The following PCDHGB4 variants were observed in gnomAD, a reference collection of about 807,000 sequenced individuals.
PCDHGB4 encodes protocadherin gamma subfamily B, 4, also known as protocadherin gamma-B4.
Under a neutral mutation model 60.5 loss-of-function variants are expected in PCDHGB4, and 38 were observed. That is an observed-to-expected ratio of 0.63 (90% CI 0.48 to 0.82). The LOEUF (loss-of-function observed/expected upper bound fraction) is 0.82. Among genes scored for constraint, PCDHGB4 ranks in the 40% least tolerant of loss-of-function variants. PCDHGB4 has a pLI of 0.00. For missense variants in PCDHGB4, 1,109 were observed against 1,209.6 expected (o/e 0.92, Z 1.23); for synonymous variants, 456 against 509.7 (o/e 0.89, Z 1.42).
At chr5:141,498,338 G>A (rs2237079) in intron 2 of PCDHGB4, among the ~76,000 whole-genome samples, 68,665 of 151,630 alleles carry the variant, frequency 0.45, 15,766 homozygotes, top group Admixed American at 0.55. Flanking sequence ...CATTCCAAAT[G>A]GGAAAAGCCT....
chr5:141,478,685 A>G, intron 1 of PCDHGB4: 3 of 1,551,308 alleles, frequency 1.9e-6, no homozygotes, highest in Non-Finnish European at 2.6e-6. Context: ...GGCCCTTCCT[A>G]GATCAAAGTT....
intron 1 of PCDHGB4, chr5:141,415,390 G>A (rs1191160575): frequency 1.2e-6 from 2 of 1,614,224 alleles, no homozygotes; most frequent in South Asian, 2.2e-5. Flanking sequence ...CTTGACAGGT[G>A]TGTCCGGCTC....
At chr5:141,506,237 T>G (rs558256375) in intron 3 of PCDHGB4, among the ~76,000 whole-genome samples, 1 of 152,014 alleles carries the variant, frequency 6.6e-6, no homozygotes, top group South Asian at 2.1e-4. Flanking sequence ...GATCATGAGG[T>G]CAGGAGTTCG....
Position 141,394,128 on chromosome 5 carries a change from G to A in PCDHGB4, c.2397+3847G>A, listed in dbSNP as rs371610257. 2.0e-5 allele frequency: 32 copies of A among 1,613,612 alleles called. No homozygotes were observed. The highest frequency in any genetic ancestry group is 4.0e-5 in the African/African-American group (3 of 74,844). ...ACCTCTGTCCACTGAAACTCAAATC[G>A]CTCTGCACGTGGCAGACATTAACGA... On this transcript the variant is annotated intron_variant, in intron 1 of 3. Transcript: ENST00000519479.
At chr5:141,415,306 T>G (rs2095852502) in intron 1 of PCDHGB4, 2 of 1,614,222 alleles carry the variant, frequency 1.2e-6, no homozygotes, top group Non-Finnish European at 8.5e-7. Context: ...CTTCCTGGCC[T>G]TCGTCATCGT....
Position 141,464,284 on chromosome 5 carries a change from A to C in PCDHGB4, c.2398-30523A>C, listed in dbSNP as rs1237360752. ...CGTCTAAAAAAAAAAAAAAGCAAAA[A>C]AAAAAACTCCATTGTATGTGCACAT... On this transcript the variant is annotated intron_variant, in intron 1 of 3. Coordinates refer to ENST00000519479, the MANE Select transcript of PCDHGB4 (RefSeq NM_003736.4). 4.0e-5 allele frequency among the ~76,000 whole-genome samples: 6 copies of C among 151,546 alleles called. No individual in the cohort carries two copies. The South Asian group carries it at 1.0e-3, about 26-fold the overall frequency.
rs376391116 is a variant in PCDHGB4, at chr5:141,390,163, C to G, written c.2279C>G (p.Thr760Arg). 3.7e-6 allele frequency: 6 copies of G among 1,613,992 alleles called. No individual in the cohort carries two copies. The highest frequency in any genetic ancestry group is 5.1e-6 in the Non-Finnish European group (6 of 1,179,890). The change falls in exon 1 of 4, where the codon ACG becomes AGG. Residue 760 changes from threonine (T) to arginine (R), a missense_variant. By Grantham distance (71) the Thr-to-Arg change is moderately conservative. Transcript: ENST00000519479. ...YNLCVAHTGK[T>R]EFNFLKCSEQ... is the part of the protein sequence containing the mutation. ...CTATGTGTTGCACATACAGGAAAGA[C>G]GGAGTTTAATTTCCTAAAATGTAGT...
At chr5:141,451,238 T>A (rs1167769789) in intron 1 of PCDHGB4, among the ~76,000 whole-genome samples, 6 of 152,214 alleles carry the variant, frequency 3.9e-5, no homozygotes, top group African/African-American at 1.4e-4. Context: ...TATTATCTCA[T>A]AAATTTTGTG....
chr5:141,490,837 G>A lies in PCDHGB4; in HGVS notation c.2398-3970G>A. On this transcript the variant is annotated intron_variant, in intron 1 of 3. Coordinates refer to ENST00000519479, the MANE Select transcript of PCDHGB4 (RefSeq NM_003736.4). This position sits in a 1 kb window ranked among gnomAD's most constrained non-coding sequence, Gnocchi z 5.4. ...TGAATTGCTGCAGATGCTGCAGATTGTGGTGGGGGTTCGAGACTCCGGCTC... is the reference window on the plus strand; with the variant it reads ...TGAATTGCTGCAGATGCTGCAGATTATGGTGGGGGTTCGAGACTCCGGCTC... The A allele has an allele frequency of 1.9e-6, 3 of 1,613,914 alleles. No homozygotes were observed. The highest frequency in any genetic ancestry group is 2.2e-5 in the South Asian group (2 of 91,072).
intron 1 of PCDHGB4, chr5:141,428,460 T>G (rs558111052): frequency 2.8e-6 from 1 of 351,434 alleles, no homozygotes; most frequent in African/African-American, 2.1e-5. Context: ...CCAACTACAA[T>G]GAGGGAACTT....
chr5:141,489,238 G>A lies in PCDHGB4; in HGVS notation c.2398-5569G>A. On this transcript the variant is annotated intron_variant, in intron 1 of 3. Coordinates refer to ENST00000519479, the MANE Select transcript of PCDHGB4 (RefSeq NM_003736.4). The surrounding 1 kb of genome is among the most constrained non-coding windows in gnomAD (Gnocchi z 4.5). ...TTACTCTCCACAAAGGGACTTCTGG[G>A]TCATGGGGCCCAAGACACTCCCACA... 6.5e-7 allele frequency: 1 copy of A among 1,534,146 alleles called. No homozygotes were observed.
At chr5:141,444,659 C>G (rs2098443878) in intron 1 of PCDHGB4, among the ~76,000 whole-genome samples, 1 of 152,032 alleles carries the variant, frequency 6.6e-6, no homozygotes, top group African/African-American at 2.4e-5. Context: ...GAAGTTATTT[C>G]CCATTTTTTT....
chr5:141,428,454 C>A, intron 1 of PCDHGB4: 1 of 365,394 alleles, frequency 2.7e-6, no homozygotes, highest in Non-Finnish European at 5.2e-6. Context: ...TTTTTCCCAA[C>A]TACAATGAGG....
rs969397099 is a variant in PCDHGB4, at chr5:141,477,807, C to T, written c.2398-17000C>T. 6.2e-6 allele frequency: 10 copies of T among 1,613,932 alleles called. No homozygotes were observed. Among genetic ancestry groups the T allele is most frequent in the African/African-American group, 1.3e-5 (1 of 74,922 alleles). ...TTTGTCACTGATCGCAATGACAATG[C>T]CCCCCAGGTCCTATATCCTCGGCCA... is the stretch of plus-strand genomic sequence containing the variant. On this transcript the variant is annotated intron_variant, in intron 1 of 3. Transcript: ENST00000519479. The surrounding 1 kb of genome is among the most constrained non-coding windows in gnomAD (Gnocchi z 4.9).
chr5:141,476,711 G>C lies in PCDHGB4; in HGVS notation c.2398-18096G>C. 1 of 1,614,194 alleles carries C rather than the reference G, an allele frequency of 6.2e-7. No individual in the cohort carries two copies. The highest frequency in any genetic ancestry group is 8.5e-7 in the Non-Finnish European group (1 of 1,180,042). On this transcript the variant is annotated intron_variant, in intron 1 of 3. Coordinates refer to ENST00000519479, the MANE Select transcript of PCDHGB4 (RefSeq NM_003736.4). This position sits in a 1 kb window ranked among gnomAD's most constrained non-coding sequence, Gnocchi z 7.6. ...CACCAAGTACGCGGAGCTGGTGTTG[G>C]AGCGCGCCCTGGACCGAGAACGGGA...
At chr5:141,413,687 T>C (rs1470256826) in intron 1 of PCDHGB4, 1 of 1,613,784 alleles carries the variant, frequency 6.2e-7, no homozygotes, top group South Asian at 1.1e-5. Flanking sequence ...GTGAACTCCC[T>C]GCAGAGCTAT....
chr5:141,415,293 C>G, intron 1 of PCDHGB4: 1 of 1,614,192 alleles, frequency 6.2e-7, no homozygotes, highest in Non-Finnish European at 8.5e-7. Flanking sequence ...CGGTCTCCTG[C>G]GTCTTCCTGG....
intron 1 of PCDHGB4, chr5:141,400,082 C>A: frequency 1.2e-6 from 2 of 1,614,016 alleles, no homozygotes; most frequent in Non-Finnish European, 1.7e-6. Flanking sequence ...CCACTCTCCG[C>A]CACCGCCACG....
intron 2 of PCDHGB4, among the ~76,000 whole-genome samples, chr5:141,502,828 G>T (rs928458403): frequency 6.6e-6 from 1 of 150,704 alleles, no homozygotes; most frequent in Non-Finnish European, 1.5e-5. Context: ...CCTTGGGGAA[G>T]CCTGGACTGG....
Sources: gnomAD v4.1 joint callset for allele counts (sites outside exome capture counted in the v4.1 genomes callset) on GRCh38, gnomAD v4.1.1 for gene constraint, Gnocchi (gnomAD v3.1) non-coding constraint, MANE v1.5 for transcripts, NCBI Gene and HGNC (gene_info 2026-07-23, HGNC 2026-07-21) for gene names.